Variants in SYNM observed in about 807,000 individuals in gnomAD.
SYNM encodes desmuslin.
A neutral mutation model predicts 104.0 loss-of-function variants in SYNM; 95 were observed. The observed-to-expected ratio is 0.91, with a 90% CI of 0.77 to 1.08. The LOEUF is 1.08. Ranked by LOEUF, SYNM falls within the 50% of genes least tolerant of loss-of-function variation. The probability of loss-of-function intolerance (pLI) is 0.00; values close to 1 mark genes in which losing one functional copy is unlikely to be tolerated. For synonymous variants in SYNM, 918 were observed against 869.0 expected, an observed-to-expected ratio of 1.06 and a Z score of -0.99; for missense variants, 2,150 against 2,052.2, an observed-to-expected ratio of 1.05 and a Z score of -0.92.
At chr15:99,111,531 T>C (rs1555483402) in intron 1 of SYNM, among the ~76,000 whole-genome samples, 1 of 152,232 alleles carries the variant, frequency 6.6e-6, no homozygotes, top group East Asian at 1.9e-4. Flanking sequence ...TTTGGTGAGC[T>C]TCTCTGTTTG....
intron 2 of SYNM, among the ~76,000 whole-genome samples, chr15:99,115,933 A>G (rs554092393): frequency 3.9e-5 from 6 of 152,262 alleles, no homozygotes; most frequent in South Asian, 2.1e-4. Context: ...CTGAGCCCTC[A>G]CTCCCATCAG....
At chr15:99,139,026 T>G, downstream of SYNM, 1 of 449,988 alleles carries the variant, frequency 2.2e-6, no homozygotes, top group Non-Finnish European at 4.1e-6. Flanking sequence ...GCCACAGGGA[T>G]TCCCGGGGCC....
At chr15:99,121,470 A>G (rs191231331) in intron 2 of SYNM, among the ~76,000 whole-genome samples, 1 of 152,294 alleles carries the variant, frequency 6.6e-6, no homozygotes, top group East Asian at 1.9e-4. Flanking sequence ...GTAAGGAAGT[A>G]TGAGAGACAC....
rs147489374 is a variant in SYNM, at chr15:99,105,102, C to T, written c.-98C>T. 1.2e-3 allele frequency: 1,593 copies of T among 1,376,482 alleles called. 26 individuals are homozygous for T. In the African/African-American group the frequency reaches 0.02, roughly 18 times the overall value. The allele number at this position is 1,376,482 out of a possible 1,614,324, so 85.3% of individuals were successfully genotyped here. A position where few individuals can be genotyped will look rare whatever the true frequency, so the allele number is the denominator to read the frequency against. On this transcript the variant is annotated 5_prime_UTR_variant, in exon 1 of 4. Transcript: ENST00000336292. ...CCCAGTCTGCGGGCCTCCGGGGCAG[C>T]GGCGAGGCCGGAGCGTCGCGGCGGA... is the stretch of plus-strand genomic sequence containing the variant.
chr15:99,133,342 T>G lies in SYNM; in HGVS notation c.*284T>G, dbSNP rs2067533320. 3 of 426,802 alleles carry G rather than the reference T, an allele frequency of 7.0e-6. No individual in the cohort carries two copies. Among genetic ancestry groups the G allele is most frequent in the Admixed American group, 4.2e-5 (1 of 23,856 alleles). 26.4% of individuals were successfully genotyped at this position (426,802 alleles called of 1,614,324 possible). ...CCACTTCTGGAGATGAATTTCTATG[T>G]TTTGCACCTGGTCACAGACATGGCT... On this transcript the variant is annotated 3_prime_UTR_variant, in exon 4 of 4. Transcript: ENST00000336292.
At chr15:99,138,385 C>A (rs1208505746), downstream of SYNM, among the ~76,000 whole-genome samples, 1 of 151,992 alleles carries the variant, frequency 6.6e-6, no homozygotes, top group Non-Finnish European at 1.5e-5. Context: ...CCCATCTCGG[C>A]TCCCTGCAAC....
At chr15:99,119,160 C>T (rs2067376921) in intron 2 of SYNM, among the ~76,000 whole-genome samples, 2 of 152,216 alleles carry the variant, frequency 1.3e-5, no homozygotes, top group African/African-American at 2.4e-5. Flanking sequence ...CTGCGAATCT[C>T]CCGGCCCTCA....
rs2067487208 is a variant in SYNM at position 99,130,250 on chromosome 15, A to G, written c.1890A>G (p.Gln630=). ...CCAGTGATGCCACTGGTTCTCTGCA[A>G]GGCGATTCCATGACAGAAACCGTAG... The part of the protein sequence containing the change: ...LGTSDATGSL[Q]GDSMTETVAE... Residue 630 remains glutamine (Q), a synonymous_variant, in exon 4 of 4, where the codon CAA becomes CAG. Transcript: ENST00000336292. 1 of 1,614,010 alleles carries G rather than the reference A, an allele frequency of 6.2e-7. No homozygotes were observed. The highest frequency in any genetic ancestry group is 8.5e-7 in the Non-Finnish European group (1 of 1,179,904).
rs1180464761 is a variant in SYNM at position 99,134,115 on chromosome 15, A to G, written c.*1057A>G. On this transcript the variant is annotated 3_prime_UTR_variant, in exon 4 of 4. Coordinates refer to ENST00000336292, the MANE Select transcript of SYNM (RefSeq NM_145728.3). Reference sequence around the variant, plus strand: ...AGCTCAAGGGTGAAAGATGAATACAATAACAACCATGAACCCACCTCACGG... The same window carrying G: ...AGCTCAAGGGTGAAAGATGAATACAGTAACAACCATGAACCCACCTCACGG... 7 of 152,224 alleles carry G rather than the reference A, an allele frequency of 4.6e-5. No homozygotes were observed. Among genetic ancestry groups the G allele is most frequent in the Non-Finnish European group, 4.4e-5 (3 of 68,040 alleles). 9.4% of individuals were successfully genotyped at this position (152,224 alleles called of 1,614,324 possible). A position where few individuals can be genotyped will look rare whatever the true frequency, so the allele number is the denominator to read the frequency against.
chr15:99,117,009 T>A (rs1330115983), intron 2 of SYNM, among the ~76,000 whole-genome samples: 1 of 143,782 alleles, frequency 7.0e-6, no homozygotes, highest in African/African-American at 2.5e-5. Flanking sequence ...AGATCTCATG[T>A]GGACTCATAG....
intron 2 of SYNM, among the ~76,000 whole-genome samples, chr15:99,123,496 T>C (rs781923331): frequency 6.6e-6 from 1 of 152,210 alleles, no homozygotes; most frequent in Non-Finnish European, 1.5e-5. Flanking sequence ...AACTCCCCTC[T>C]GCCCCCTCCC....
At chr15:99,120,102 G>A (rs1347211690) in intron 2 of SYNM, among the ~76,000 whole-genome samples, 1 of 152,200 alleles carries the variant, frequency 6.6e-6, no homozygotes, top group Non-Finnish European at 1.5e-5. Context: ...GTTCAAGGAG[G>A]TTACTTAAAA....
downstream of SYNM, chr15:99,139,286 GATA>G: frequency 2.1e-6 from 2 of 941,732 alleles, no homozygotes; most frequent in African/African-American, 4.7e-5. Context: ...AAGGGAATGA[GATA>G]GAGAAAGTGT....
chr15:99,130,630 G>C lies in SYNM; in HGVS notation c.2270G>C (p.Ser757Thr), dbSNP rs1175878295. Reference sequence around the variant, plus strand: ...GTGGAGGAGCCCGTGAGTTATGTCAGCGGGGAGAAGCCGGAGGAGTTTTCC... The same window carrying C: ...GTGGAGGAGCCCGTGAGTTATGTCACCGGGGAGAAGCCGGAGGAGTTTTCC... ...EIVEEPVSYV[S>T]GEKPEEFSVP... The change falls in exon 4 of 4, where the codon AGC becomes ACC. Residue 757 changes from serine to threonine, a missense_variant. Coordinates refer to ENST00000336292, the MANE Select transcript of SYNM (RefSeq NM_145728.3). 1 of 1,612,800 alleles carries C rather than the reference G, an allele frequency of 6.2e-7. No individual in the cohort carries two copies. The highest frequency in any genetic ancestry group is 1.3e-5 in the African/African-American group (1 of 74,644).
At chr15:99,113,832 A>G in intron 2 of SYNM, 117 bp downstream of exon 2, 1 of 1,453,664 alleles carries the variant, frequency 6.9e-7, no homozygotes, top group Non-Finnish European at 9.2e-7. Flanking sequence ...TGTGACAAGC[A>G]GAGAGCAGCC....
intron 2 of SYNM, among the ~76,000 whole-genome samples, chr15:99,125,577 T>A (rs150055408): frequency 4.1e-4 from 63 of 152,368 alleles, no homozygotes; most frequent in African/African-American, 1.4e-3. Context: ...GGCTCTCGTG[T>A]TCATGGGGCT....
Position 99,134,680 on chromosome 15 carries a change from CAGGTCCTGGG to C in SYNM, c.*1625_*1634del, listed in dbSNP as rs2067548132. 6.6e-6 allele frequency: 1 copy of C among 152,248 alleles called. No individual in the cohort carries two copies. Among genetic ancestry groups the C allele is most frequent in the Non-Finnish European group, 1.5e-5 (1 of 68,056 alleles). 9.4% of individuals were successfully genotyped at this position (152,248 alleles called of 1,614,324 possible). On this transcript the variant is annotated 3_prime_UTR_variant, in exon 4 of 4. Transcript: ENST00000336292. ...CAGACCCCCAGGGTGCACGTCTCCC[CAGGTCCTGGG>C]AGTGGCTACCGCAGGTAGTTTCTGG...
rs574648227 is a variant in SYNM at position 99,114,927 on chromosome 15, AG to A, written c.935+1214del. On this transcript the variant is annotated intron_variant, in intron 2 of 3. Transcript: ENST00000336292. The stretch of plus-strand genomic sequence containing the variant: ...TTTAGAGACCCAGTTGCCCAACTTC[AG>A]GAACACTAACAATAGCCAGCTTTAT... Among the ~76,000 whole-genome samples, 19 of 152,328 alleles carry A rather than the reference AG, an allele frequency of 1.2e-4. No individual in the cohort carries two copies. The South Asian group carries it at 3.9e-3, about 32-fold the overall frequency.
downstream of SYNM, chr15:99,138,163 C>T: frequency 6.2e-7 from 1 of 1,607,458 alleles, no homozygotes; most frequent in Non-Finnish European, 8.5e-7. Context: ...AGTGTGGTGC[C>T]CCTCAGCCCC....
Sources: allele counts gnomAD v4.1 joint callset (sites outside exome capture counted in the v4.1 genomes callset), GRCh38; gene constraint gnomAD v4.1.1; transcripts MANE v1.5; gene names NCBI Gene and HGNC (gene_info 2026-07-23, HGNC 2026-07-21).